Variants in FAM76A observed in about 807,000 individuals in gnomAD.
FAM76A encodes the protein family with sequence similarity 76 member A.
A neutral mutation model predicts 46.2 loss-of-function variants in FAM76A; 32 were observed. The ratio of observed to expected loss-of-function variants is 0.69; its 90% CI spans 0.52 to 0.93. The LOEUF is 0.93. Among genes scored for constraint, FAM76A ranks in the 40% least tolerant of loss-of-function variants. FAM76A has a pLI of 0.00. For synonymous variants in FAM76A, 137 were observed against 127.0 expected (o/e 1.08, Z -0.53); for missense variants, 274 against 361.5 (o/e 0.76, Z 1.96).
At position 27,726,335 on chromosome 1, in the gene FAM76A, AC is replaced by A. The variant is rs534768243; in HGVS notation, c.81+177del. 4.6e-5 allele frequency among the ~76,000 whole-genome samples: 7 copies of A among 151,678 alleles called. No homozygotes were observed. The South Asian group carries it at 1.5e-3, about 32-fold the overall frequency. On this transcript the variant is annotated intron_variant, in intron 1 of 8. Coordinates refer to ENST00000373954, the MANE Select transcript of FAM76A (RefSeq NM_152660.3). ...CGGCGGGGCACGTGCGGGAGCCGGG[AC>A]CCGGTCCAGGCTCCCGCGGCCGGCG... is the stretch of plus-strand genomic sequence containing the variant.
intron 6 of FAM76A, among the ~76,000 whole-genome samples, chr1:27,754,365 C>A (rs12032450): frequency 0.12 from 18,561 of 152,080 alleles, 2,766 homozygotes; most frequent in African/African-American, 0.35. Flanking sequence ...CTTGGCCTCC[C>A]AAAGTGCTGG....
intron 4 of FAM76A, chr1:27,740,049 C>T: frequency 2.5e-6 from 1 of 401,420 alleles, no homozygotes; most frequent in South Asian, 2.2e-5. Context: ...CTGGGTCCAC[C>T]TGGATGTCAT....
intron 1 of FAM76A, 24 bp from the exon 2 acceptor site, chr1:27,727,448 A>C: frequency 6.2e-7 from 1 of 1,610,060 alleles, no homozygotes; most frequent in Admixed American, 1.7e-5. Context: ...TGCCTTTTAA[A>C]ATTATATCCT....
chr1:27,732,507 C>T (rs1383533791), intron 2 of FAM76A, 96 bp from the exon 3 acceptor site: 4 of 928,158 alleles, frequency 4.3e-6, no homozygotes, highest in African/African-American at 1.6e-5. Context: ...CCATATCTCA[C>T]TTTGGCCCTT....
intron 3 of FAM76A, 32 bp from the exon 4 acceptor site, chr1:27,733,999 A>C: frequency 6.3e-7 from 1 of 1,592,242 alleles, no homozygotes; most frequent in Non-Finnish European, 8.5e-7. Context: ...TATGAAAGTA[A>C]TACTTACTTG....
Position 27,760,523 on chromosome 1 carries a change from CA to C in FAM76A, c.867del (p.Ala290LeufsTer15). ...AAAAACCGAGAGCTCCTGAAGCAGG[CA>C]GCTGCTTTGTCCAAGAGCAAGAAGT... ...QAKNRELLKQ[A>X]AALSKSKKSE... On this transcript the variant is annotated frameshift_variant, in exon 9 of 9. Coordinates refer to ENST00000373954, the MANE Select transcript of FAM76A (RefSeq NM_152660.3). LOFTEE classifies it high-confidence loss of function. 6.2e-7 allele frequency: 1 copy of C among 1,612,220 alleles called. No homozygotes were observed. Among genetic ancestry groups the C allele is most frequent in the Non-Finnish European group, 8.5e-7 (1 of 1,178,862 alleles).
At chr1:27,737,712 C>T (rs774560206) in intron 4 of FAM76A, among the ~76,000 whole-genome samples, 6 of 151,838 alleles carry the variant, frequency 4.0e-5, no homozygotes, top group Non-Finnish European at 7.4e-5. Context: ...ATTAGCCGGG[C>T]ATGGTGACAT....
rs1454709400 is a variant in FAM76A, at chr1:27,727,481, A to G, written c.91A>G (p.Ile31Val). 6.2e-7 allele frequency: 1 copy of G among 1,613,770 alleles called. No individual in the cohort carries two copies. The highest frequency in any genetic ancestry group is 1.1e-5 in the South Asian group (1 of 91,072). ...CCTCATTTCATTTCAGGAATGTCGG[A>G]TTGCACACCCTGTTGTGAAGTGCAC... ...QGQQLCKECRIAHPVVKCTYC... is the reference protein window; with the variant it reads ...QGQQLCKECRVAHPVVKCTYC... Residue 31 changes from isoleucine to valine, a missense_variant, in exon 2 of 9, where the codon ATT becomes GTT. Transcript: ENST00000373954.
chr1:27,739,196 A>G (rs935411855), intron 4 of FAM76A: 4 of 425,354 alleles, frequency 9.4e-6, no homozygotes, highest in Non-Finnish European at 1.4e-5. Flanking sequence ...ATGCTGGAGG[A>G]AAAGCTGGTG....
rs188278829 is a variant in FAM76A at position 27,741,557 on chromosome 1, A to C, written c.355-3097A>C. 2.0e-5 allele frequency among the ~76,000 whole-genome samples: 3 copies of C among 152,122 alleles called. No individual in the cohort carries two copies. The East Asian group carries it at 5.8e-4, about 29-fold the overall frequency. Reference sequence around the variant, plus strand: ...GGCATATTAGCTACACTATAAAAAAAATTTTTTTTCCATTTTACAGTAGAG... The same window carrying C: ...GGCATATTAGCTACACTATAAAAAACATTTTTTTTCCATTTTACAGTAGAG... On this transcript the variant is annotated intron_variant, in intron 4 of 8. Coordinates refer to ENST00000373954, the MANE Select transcript of FAM76A (RefSeq NM_152660.3).
chr1:27,735,750 C>G (rs868273496), intron 4 of FAM76A, among the ~76,000 whole-genome samples: 21 of 152,312 alleles, frequency 1.4e-4, no homozygotes, highest in Admixed American at 1.3e-4. Context: ...CTTTCTTCAT[C>G]TTTCTCCATG....
At chr1:27,733,616 G>A (rs1030407462) in intron 3 of FAM76A, among the ~76,000 whole-genome samples, 2 of 152,138 alleles carry the variant, frequency 1.3e-5, no homozygotes, top group Non-Finnish European at 2.9e-5. Flanking sequence ...GGGAGGCTGA[G>A]GCAGGCGGAT....
Position 27,762,692 on chromosome 1 carries a change from CTG to C in FAM76A, c.*2113_*2114del, listed in dbSNP as rs1234132638. 7 of 152,004 alleles carry C rather than the reference CTG, an allele frequency of 4.6e-5. No homozygotes were observed. In the South Asian group the frequency reaches 1.0e-3, roughly 23 times the overall value. 9.4% of individuals were successfully genotyped at this position (152,004 alleles called of 1,614,324 possible). On this transcript the variant is annotated 3_prime_UTR_variant, in exon 9 of 9. Transcript: ENST00000373954. ...TGAGAAGCTTTTAGGTAAAGATAAACTGTCATAATATTTTTCAGATGCATTTG... is the reference window on the plus strand; with the variant it reads ...TGAGAAGCTTTTAGGTAAAGATAAACTCATAATATTTTTCAGATGCATTTG...
intron 4 of FAM76A, among the ~76,000 whole-genome samples, chr1:27,737,587 C>T (rs575909035): frequency 6.6e-6 from 1 of 152,080 alleles, no homozygotes; most frequent in East Asian, 1.9e-4. Flanking sequence ...CACGTTGGCT[C>T]ACGGCTGTAA....
chr1:27,745,888 T>C (rs1228696914), intron 5 of FAM76A, among the ~76,000 whole-genome samples: 9 of 152,160 alleles, frequency 5.9e-5, no homozygotes, highest in Admixed American at 5.9e-4. Context: ...AGCTTTTGGC[T>C]GGGAGCTGGG....
At chr1:27,756,764 G>C (rs1194039681) in intron 7 of FAM76A, among the ~76,000 whole-genome samples, 1 of 150,428 alleles carries the variant, frequency 6.6e-6, no homozygotes, top group Non-Finnish European at 1.5e-5. Context: ...TTTCTAAATA[G>C]TATCTCATTT....
In FAM76A at chr1:27,762,391, G is replaced by A. The variant is rs1487755001; in HGVS notation, c.*1810G>A. On this transcript the variant is annotated 3_prime_UTR_variant, in exon 9 of 9. Transcript: ENST00000373954. Reference sequence around the variant, plus strand: ...GGGTACTAGAGTTAGAAATAATAATGAGGGCAGATAACATTTGTACCTCAG... The same window carrying A: ...GGGTACTAGAGTTAGAAATAATAATAAGGGCAGATAACATTTGTACCTCAG... 6.6e-6 allele frequency: 1 copy of A among 152,140 alleles called. No individual in the cohort carries two copies. Among genetic ancestry groups the A allele is most frequent in the Admixed American group, 6.6e-5 (1 of 15,264 alleles). 9.4% of individuals were successfully genotyped at this position (152,140 alleles called of 1,614,324 possible).
chr1:27,760,192 T>C (rs1259224661), intron 8 of FAM76A: 1 of 365,118 alleles, frequency 2.7e-6, no homozygotes, highest in Non-Finnish European at 5.3e-6. Context: ...TCCAGATGTC[T>C]GAATTATAGA....
chr1:27,738,335 C>G (rs2088091898), intron 4 of FAM76A, among the ~76,000 whole-genome samples: 1 of 151,970 alleles, frequency 6.6e-6, no homozygotes, highest in African/African-American at 2.4e-5. Context: ...ACTAAAAATA[C>G]AAAAATAAGC....
Sources: gnomAD v4.1 joint callset for allele counts (sites outside exome capture counted in the v4.1 genomes callset) on GRCh38, gnomAD v4.1.1 for gene constraint, MANE v1.5 for transcripts, NCBI Gene and HGNC (gene_info 2026-07-23, HGNC 2026-07-21) for gene names.